PIK3CA: variants seen among roughly 807,000 people sequenced by gnomAD.
The protein encoded by PIK3CA is phosphatidylinositol 4,5-bisphosphate 3-kinase catalytic subunit alpha isoform.
Under a neutral mutation model 138.2 loss-of-function variants are expected in PIK3CA, and 27 were observed. The ratio of observed to expected loss-of-function variants is 0.20; its 90% confidence interval spans 0.14 to 0.27. The LOEUF is 0.27. Among genes scored for constraint, PIK3CA ranks in the 10% least tolerant of loss-of-function variants. PIK3CA has a pLI of 1.00. For synonymous variants in PIK3CA, 358 were observed against 413.2 expected (o/e 0.87, Z 1.62); for missense variants, 544 against 1,277.4 (o/e 0.43, Z 8.75).
intron 1 of PIK3CA, among the ~76,000 whole-genome samples, chr3:179,154,324 G>C (rs903477382): frequency 6.6e-6 from 1 of 152,058 alleles, no homozygotes; most frequent in Non-Finnish European, 1.5e-5. Context: ...GCCTGTTGTC[G>C]GAGCAGCAGC....
rs1037074140 is a variant in PIK3CA at position 179,230,614 on chromosome 3, G to T, written c.2936+238G>T. Reference sequence around the variant, plus strand: ...ACAAAAAAATTTAAAAAGTAGCCAGGCGTGGTGGCATGCACTGTAGTCCCA... The same window carrying T: ...ACAAAAAAATTTAAAAAGTAGCCAGTCGTGGTGGCATGCACTGTAGTCCCA... On this transcript the variant is annotated intron_variant, in intron 20 of 20. Transcript: ENST00000263967. The surrounding 1 kb of genome is among the most constrained non-coding windows in gnomAD (Gnocchi z 5.4). Among the ~76,000 whole-genome samples, 1 of 151,992 alleles carries T rather than the reference G, an allele frequency of 6.6e-6. No homozygotes were observed. The highest frequency in any genetic ancestry group is 1.5e-5 in the Non-Finnish European group (1 of 68,002).
At chr3:179,221,923 G>T (rs533665494) in intron 14 of PIK3CA, among the ~76,000 whole-genome samples, 20 of 151,868 alleles carry the variant, frequency 1.3e-4, no homozygotes, top group African/African-American at 3.6e-4. Flanking sequence ...GCCCAGGCTG[G>T]TCTCCAATTC....
Position 179,220,883 on chromosome 3 carries a change from T to C in PIK3CA, c.2016-103T>C, listed in dbSNP as rs1260570532. The C allele has an allele frequency of 8.6e-6, 5 of 580,190 alleles. No homozygotes were observed. The highest frequency in any genetic ancestry group is 1.4e-5 in the Non-Finnish European group (5 of 363,786). 35.9% of individuals were successfully genotyped at this position (580,190 alleles called of 1,614,324 possible). A position where few individuals can be genotyped will look rare whatever the true frequency, so the allele number is the denominator to read the frequency against. On this transcript the variant is annotated intron_variant, in intron 13 of 20. Coordinates refer to ENST00000263967, the MANE Select transcript of PIK3CA (RefSeq NM_006218.4). This position sits in a 1 kb window ranked among gnomAD's most constrained non-coding sequence, Gnocchi z 4.1. The stretch of plus-strand genomic sequence containing the variant: ...TTATTATTAGTATGATTGTAACATT[T>C]ATTGGATTTCAAAAATGAGTGTTTA...
At chr3:179,233,256 G>A (rs1436985992) in intron 20 of PIK3CA, 1 of 397,900 alleles carries the variant, frequency 2.5e-6, no homozygotes, top group Non-Finnish European at 4.4e-6. Context: ...TTCCAATTTG[G>A]ATGCCAATGT....
At chr3:179,233,946 G>A (rs2108428588) in intron 20 of PIK3CA, 148 bp from the exon 21 acceptor site, 1 of 584,816 alleles carries the variant, frequency 1.7e-6, no homozygotes, top group Admixed American at 3.1e-5. Context: ...GGAATCAAAA[G>A]ATGTTGGTAA....
chr3:179,154,277 A>G (rs1234908984), intron 1 of PIK3CA, among the ~76,000 whole-genome samples: 2 of 152,174 alleles, frequency 1.3e-5, no homozygotes, highest in South Asian at 2.1e-4. Context: ...GCACAGCTGG[A>G]GGTGAGCAGT....
chr3:179,171,173 G>C (rs1028013502), intron 1 of PIK3CA, among the ~76,000 whole-genome samples: 2 of 152,084 alleles, frequency 1.3e-5, no homozygotes, highest in Admixed American at 6.5e-5. Context: ...ATGTGCAAAT[G>C]AATACTATTT....
Position 179,239,121 on chromosome 3 carries a change from G to A in PIK3CA, c.*4757G>A, listed in dbSNP as rs1186404793. 5.1e-5 allele frequency: 11 copies of A among 213,904 alleles called. No individual in the cohort carries two copies. Among genetic ancestry groups the A allele is most frequent in the Non-Finnish European group, 9.4e-5 (10 of 105,904 alleles). 13.3% of individuals were successfully genotyped at this position (213,904 alleles called of 1,614,324 possible). On this transcript the variant is annotated 3_prime_UTR_variant, in exon 21 of 21. Transcript: ENST00000263967. ...GAGGAAAAAAATTAGTCCCTTGTGC[G>A]TATACAGTAGTTAGGTAAATGATTT...
At chr3:179,192,301 G>A (rs1449172153) in intron 1 of PIK3CA, among the ~76,000 whole-genome samples, 2 of 152,216 alleles carry the variant, frequency 1.3e-5, no homozygotes, top group Non-Finnish European at 2.9e-5. Context: ...ATGAGATAGA[G>A]AAAGTGGAAC....
At chr3:179,157,674 A>G (rs1290443494) in intron 1 of PIK3CA, among the ~76,000 whole-genome samples, 1 of 152,104 alleles carries the variant, frequency 6.6e-6, no homozygotes, top group Non-Finnish European at 1.5e-5. Context: ...TAATCTGACA[A>G]TGGGACAGGA....
At chr3:179,208,795 A>T (rs1724633373) in intron 6 of PIK3CA, among the ~76,000 whole-genome samples, 1 of 151,596 alleles carries the variant, frequency 6.6e-6, no homozygotes, top group African/African-American at 2.4e-5. Context: ...ACCTTTTATA[A>T]AATAATTATT....
intron 9 of PIK3CA, among the ~76,000 whole-genome samples, chr3:179,217,210 C>A (rs1321885266): frequency 2.6e-5 from 4 of 152,058 alleles, no homozygotes; most frequent in African/African-American, 4.8e-5. Context: ...ATAAAGGTTC[C>A]TTCTTGTTAC....
chr3:179,230,400 CAAAAT>C lies in PIK3CA; in HGVS notation c.2936+28_2936+32del, dbSNP rs776163032. ...AGGTGAGCTCGAGCAATTAAAAACA[CAAAAT>C]AAAGAGTTCTGGCTGCTCTATTAGA... On this transcript the variant is annotated intron_variant, in intron 20 of 20. Transcript: ENST00000263967. This position sits in a 1 kb window ranked among gnomAD's most constrained non-coding sequence, Gnocchi z 5.4. 2.4e-5 allele frequency: 38 copies of C among 1,556,904 alleles called. No homozygotes were observed. Among genetic ancestry groups the C allele is most frequent in the Admixed American group, 2.1e-4 (10 of 47,914 alleles).
intron 1 of PIK3CA, among the ~76,000 whole-genome samples, chr3:179,177,932 A>G (rs1056034581): frequency 2.0e-5 from 3 of 152,136 alleles, no homozygotes; most frequent in Non-Finnish European, 4.4e-5. Context: ...AAAGATGTGT[A>G]TCAGAATATA....
intron 16 of PIK3CA, 85 bp downstream of exon 16, chr3:179,224,906 T>C: frequency 1.1e-6 from 1 of 933,976 alleles, no homozygotes; most frequent in Non-Finnish European, 1.6e-6. Flanking sequence ...TGAAAACTAC[T>C]GAAAGCCATT....
intron 14 of PIK3CA, among the ~76,000 whole-genome samples, chr3:179,222,684 C>T (rs547170188): frequency 6.6e-5 from 10 of 152,276 alleles, no homozygotes; most frequent in Middle Eastern, 3.4e-3. Flanking sequence ...CTGGGAGCTG[C>T]GGCTCGCTGC....
chr3:179,215,160 A>T (rs1219310363), intron 9 of PIK3CA, among the ~76,000 whole-genome samples: 1 of 152,196 alleles, frequency 6.6e-6, no homozygotes, highest in Admixed American at 6.6e-5. Context: ...TTATTGATTC[A>T]TAGCTGTGTT....
At chr3:179,196,084 C>T (rs1724259138) in intron 1 of PIK3CA, among the ~76,000 whole-genome samples, 1 of 152,088 alleles carries the variant, frequency 6.6e-6, no homozygotes, top group African/African-American at 2.4e-5. Flanking sequence ...AAATATACTA[C>T]AGTAGAATAA....
chr3:179,168,648 TGTTTC>T (rs531937895), intron 1 of PIK3CA, among the ~76,000 whole-genome samples: 24 of 152,204 alleles, frequency 1.6e-4, no homozygotes, highest in Non-Finnish European at 3.1e-4. Flanking sequence ...TTTTCACCCT[TGTTTC>T]ATTATGTCTG....
Sources: gnomAD v4.1 joint callset for allele counts (sites outside exome capture counted in the v4.1 genomes callset) on GRCh38, gnomAD v4.1.1 for gene constraint, Gnocchi (gnomAD v3.1) non-coding constraint, MANE v1.5 for transcripts, NCBI Gene and HGNC (gene_info 2026-07-23, HGNC 2026-07-21) for gene names.